The following SFMBT2 variants were observed in gnomAD, a reference collection of about 807,000 sequenced individuals.
SFMBT2 encodes the protein scm-like with four MBT domains protein 2.
Under a neutral mutation model 110.1 loss-of-function variants are expected in SFMBT2, and 38 were observed. The observed-to-expected ratio is 0.35, with a 90% CI of 0.27 to 0.45. The LOEUF (loss-of-function observed/expected upper bound fraction) is 0.45. Among genes scored for constraint, SFMBT2 ranks in the 20% least tolerant of loss-of-function variants. The pLI, the probability that SFMBT2 is intolerant of heterozygous loss-of-function variation, is 1.00. For synonymous variants in SFMBT2, 425 were observed against 425.4 expected, an observed-to-expected ratio of 1.00 and a Z score of 0.01; for missense variants, 1,011 against 1,094.9, an observed-to-expected ratio of 0.92 and a Z score of 1.08.
rs1837885949 is a variant in SFMBT2 at position 7,172,005 on chromosome 10, G to A, written c.2305C>T (p.Pro769Ser). 4 of 1,567,872 alleles carry A rather than the reference G, an allele frequency of 2.6e-6. No individual in the cohort carries two copies. The highest frequency in any genetic ancestry group is 3.4e-6 in the Non-Finnish European group (4 of 1,159,926). The change falls in exon 19 of 21, where the codon CCC (proline) becomes TCC (serine). Residue 769 changes from proline to serine, a missense_variant. This residue lies in a region of SFMBT2 where 979 missense variants were observed against 1,016.1 expected (regional missense o/e 0.96). Coordinates refer to ENST00000397167, the MANE Select transcript of SFMBT2 (RefSeq NM_001387889.1). This position sits in a 1 kb window ranked among gnomAD's most constrained non-coding sequence, Gnocchi z 4.6. Reference protein sequence around the residue: ...RAVTLRSGSEPVRRPPPERTR... With the variant: ...RAVTLRSGSESVRRPPPERTR... The stretch of plus-strand genomic sequence containing the variant: ...CTCTCTGGGGGTGGCCGGCGCACGG[G>A]CTCTGAGCCGCTCCGCAGGGTGACG...
At chr10:7,339,239 C>T (rs995484655) in intron 4 of SFMBT2, among the ~76,000 whole-genome samples, 1 of 151,622 alleles carries the variant, frequency 6.6e-6, no homozygotes, top group African/African-American at 2.4e-5. Context: ...GACTCCATCT[C>T]GATGAATAAA....
rs561774215 is a variant in SFMBT2 at position 7,172,779 on chromosome 10, C to T, written c.1985-118G>A. 171 of 1,266,998 alleles carry T rather than the reference C, an allele frequency of 1.3e-4. No individual in the cohort carries two copies. The South Asian group carries it at 1.7e-3, about 13-fold the overall frequency. 78.5% of individuals were successfully genotyped at this position (1,266,998 alleles called of 1,614,324 possible). ...CATCTGATAGTTCATTTGTGCCTTA[C>T]GAAGTCATTCTGAGAAAACAGACCC... On this transcript the variant is annotated intron_variant, in intron 17 of 20. Coordinates refer to ENST00000397167, the MANE Select transcript of SFMBT2 (RefSeq NM_001387889.1). This position sits in a 1 kb window ranked among gnomAD's most constrained non-coding sequence, Gnocchi z 4.6.
In SFMBT2 at chr10:7,213,520, C is replaced by T. The variant is rs868498502; in HGVS notation, c.1330+6891G>A. Among the ~76,000 whole-genome samples, 26 of 152,262 alleles carry T rather than the reference C, an allele frequency of 1.7e-4. 1 individual carries two copies. In the South Asian group the frequency reaches 2.9e-3, roughly 17 times the overall value. The stretch of plus-strand genomic sequence containing the variant: ...GTAGAGTTTCTAACTTTGAGGATGC[C>T]GTGGCTTCCGACTTGGGTGAATAAC... On this transcript the variant is annotated intron_variant, in intron 11 of 20. Coordinates refer to ENST00000397167, the MANE Select transcript of SFMBT2 (RefSeq NM_001387889.1).
At chr10:7,393,877 T>G (rs1845848908) in intron 1 of SFMBT2, among the ~76,000 whole-genome samples, 1 of 152,210 alleles carries the variant, frequency 6.6e-6, no homozygotes, top group African/African-American at 2.4e-5. Context: ...AAGGCTGCTC[T>G]GCCAGCTCCA....
At chr10:7,347,869 C>T (rs1309387961) in intron 4 of SFMBT2, among the ~76,000 whole-genome samples, 1 of 152,164 alleles carries the variant, frequency 6.6e-6, no homozygotes, top group East Asian at 1.9e-4. Context: ...TAGAAATTCA[C>T]CCAAGAAGGG....
intron 7 of SFMBT2, among the ~76,000 whole-genome samples, chr10:7,258,713 T>C (rs1841110006): frequency 6.6e-6 from 1 of 152,226 alleles, no homozygotes; most frequent in African/African-American, 2.4e-5. Flanking sequence ...ATCATTCTTC[T>C]TTTGTTTTAC....
intron 11 of SFMBT2, chr10:7,219,639 T>A (rs1186035667): frequency 6.3e-6 from 2 of 319,462 alleles, no homozygotes; most frequent in African/African-American, 2.2e-5. Context: ...TAACTTTATT[T>A]TACTATTCAT....
chr10:7,294,479 A>G (rs1022263351), intron 4 of SFMBT2, among the ~76,000 whole-genome samples: 20 of 152,226 alleles, frequency 1.3e-4, no homozygotes, highest in African/African-American at 4.8e-4. Flanking sequence ...TCCAAGTAAT[A>G]CAAATATTTC....
At chr10:7,237,437 T>C (rs948258715) in intron 9 of SFMBT2, among the ~76,000 whole-genome samples, 2 of 152,258 alleles carry the variant, frequency 1.3e-5, no homozygotes, top group African/African-American at 4.8e-5. Flanking sequence ...TATATGTATA[T>C]AGTCAAATAA....
intron 4 of SFMBT2, among the ~76,000 whole-genome samples, chr10:7,351,179 C>T (rs1217484988): frequency 2.6e-5 from 4 of 152,170 alleles, no homozygotes; most frequent in South Asian, 4.1e-4. Flanking sequence ...TTTGAAAAGG[C>T]TCTCCAGTGA....
At chr10:7,409,135 C>G (rs923817364) in intron 1 of SFMBT2, among the ~76,000 whole-genome samples, 1 of 151,782 alleles carries the variant, frequency 6.6e-6, no homozygotes, top group Non-Finnish European at 1.5e-5. Context: ...GCTTCGGTCC[C>G]GGTCCCCCAC....
intron 4 of SFMBT2, among the ~76,000 whole-genome samples, chr10:7,304,786 G>C (rs192593146): frequency 6.6e-6 from 1 of 152,304 alleles, no homozygotes; most frequent in Admixed American, 6.5e-5. Context: ...AGAGAAGAGG[G>C]ACAAACACCA....
intron 9 of SFMBT2, among the ~76,000 whole-genome samples, chr10:7,228,735 C>CTTTCTTTT (rs1491205985): frequency 2.7e-5 from 1 of 36,552 alleles, no homozygotes; most frequent in Non-Finnish European, 5.2e-5. Flanking sequence ...TTCTTTCTTT[C>CTTTCTTTT]CTTTCTCTCT....
At chr10:7,228,720 TTTCTTTC>T (rs1248739209) in intron 9 of SFMBT2, among the ~76,000 whole-genome samples, 1 of 126,304 alleles carries the variant, frequency 7.9e-6, no homozygotes, top group African/African-American at 3.5e-5. Context: ...TCTTTCTTTC[TTTCTTTC>T]TTTCTTTCCT....
In SFMBT2 at chr10:7,214,783, T is replaced by G. The variant is rs1839478006; in HGVS notation, c.1330+5628A>C. 4 of 984,408 alleles carry G rather than the reference T, an allele frequency of 4.1e-6. No individual in the cohort carries two copies. In the Admixed American group the frequency reaches 2.5e-4, roughly 61 times the overall value. 61.0% of individuals were successfully genotyped at this position (984,408 alleles called of 1,614,324 possible). On this transcript the variant is annotated intron_variant, in intron 11 of 20. Coordinates refer to ENST00000397167, the MANE Select transcript of SFMBT2 (RefSeq NM_001387889.1). ...ACCTGTAGGGTGTGTTTTGTCATTA[T>G]TTATTTTTCCCACCCATTCAAAGCA...
chr10:7,384,110 C>G (rs56314156), intron 1 of SFMBT2, among the ~76,000 whole-genome samples: 1 of 144,234 alleles, frequency 6.9e-6, no homozygotes, highest in Non-Finnish European at 1.5e-5. Context: ...ACTCGGGAAG[C>G]TGAGGCAGGA....
At chr10:7,315,021 AGAGAGAAAGAAAG>A (rs1842952464) in intron 4 of SFMBT2, among the ~76,000 whole-genome samples, 2 of 138,692 alleles carry the variant, frequency 1.4e-5, no homozygotes, top group African/African-American at 5.5e-5. Flanking sequence ...GAAAGAAAAG[AGAGAGAAAGAAAG>A]AAAGAGAAAG....
intron 4 of SFMBT2, chr10:7,329,733 G>C (rs72775542): frequency 0.073 from 11,227 of 153,090 alleles, 550 homozygotes; most frequent in Non-Finnish European, 0.11. Flanking sequence ...GCAGCATGGC[G>C]GCCTCACAGC....
At chr10:7,356,149 G>C (rs563499912) in intron 4 of SFMBT2, among the ~76,000 whole-genome samples, 14 of 152,276 alleles carry the variant, frequency 9.2e-5, no homozygotes, top group African/African-American at 2.6e-4. Context: ...CAGGATCCGA[G>C]GGAGAGGCAT....
Sources: allele counts gnomAD v4.1 joint callset (sites outside exome capture counted in the v4.1 genomes callset), GRCh38; gene constraint gnomAD v4.1.1; regional missense constraint gnomAD v4.1.1; non-coding constraint Gnocchi (gnomAD v3.1); transcripts MANE v1.5; gene names NCBI Gene and HGNC (gene_info 2026-07-23, HGNC 2026-07-21).